Variants in GALNT1 observed in about 807,000 individuals in gnomAD.
GALNT1 encodes polypeptide N-acetylgalactosaminyltransferase 1.
In GALNT1, 17 loss-of-function variants were observed where a neutral mutation model predicts 65.7. That is an observed-to-expected ratio of 0.26 (90% confidence interval 0.18 to 0.39). The LOEUF (loss-of-function observed/expected upper bound fraction) is 0.39, where lower values mean the gene tolerates loss of function less well. Among genes scored for constraint, GALNT1 ranks in the 10% least tolerant of loss-of-function variants. The probability of loss-of-function intolerance (pLI) is 1.00; values close to 1 mark genes in which losing one functional copy is unlikely to be tolerated. For synonymous variants in GALNT1, 210 were observed against 219.7 expected (o/e 0.96, Z 0.39); for missense variants, 460 against 672.8 (o/e 0.68, Z 3.50).
At chr18:35,661,794 C>T (rs1015510898) in intron 2 of GALNT1, among the ~76,000 whole-genome samples, 3 of 152,066 alleles carry the variant, frequency 2.0e-5, no homozygotes, top group Admixed American at 1.3e-4. Flanking sequence ...CTAGTAAAAA[C>T]ACAGATGGTA....
intron 1 of GALNT1, among the ~76,000 whole-genome samples, chr18:35,611,520 T>C (rs754851522): frequency 1.3e-5 from 2 of 152,226 alleles, no homozygotes; most frequent in Non-Finnish European, 2.9e-5. Context: ...ACTCAGGTTT[T>C]TAAAAGACAA....
intron 4 of GALNT1, among the ~76,000 whole-genome samples, chr18:35,681,837 G>C (rs1251425398): frequency 1.3e-5 from 2 of 151,962 alleles, no homozygotes; most frequent in Non-Finnish European, 2.9e-5. Context: ...GGCAGACCTG[G>C]GTTTGAATCT....
chr18:35,697,394 T>C (rs1196925253), intron 9 of GALNT1, among the ~76,000 whole-genome samples: 2 of 152,160 alleles, frequency 1.3e-5, no homozygotes, highest in African/African-American at 4.8e-5. Flanking sequence ...GTCAAATATG[T>C]TTGGGCAATA....
chr18:35,636,449 C>G (rs28669052), intron 1 of GALNT1, among the ~76,000 whole-genome samples: 2,017 of 152,300 alleles, frequency 0.013, 52 homozygotes, highest in African/African-American at 0.046. Context: ...AAAAAACTTA[C>G]TTTAAACAAA....
chr18:35,608,830 C>G (rs1348555481), intron 1 of GALNT1, among the ~76,000 whole-genome samples: 1 of 152,184 alleles, frequency 6.6e-6, no homozygotes, highest in Non-Finnish European at 1.5e-5. Context: ...TCTGCATCTT[C>G]CAGCTCTCTT....
chr18:35,582,096 T>A (rs1480805240), intron 1 of GALNT1, among the ~76,000 whole-genome samples: 2 of 152,054 alleles, frequency 1.3e-5, no homozygotes, highest in African/African-American at 4.8e-5. Flanking sequence ...CGTCCTAGTT[T>A]GACATTGAGT....
At chr18:35,676,824 C>T (rs1416452383) in intron 3 of GALNT1, among the ~76,000 whole-genome samples, 2 of 152,160 alleles carry the variant, frequency 1.3e-5, no homozygotes, top group African/African-American at 2.4e-5. Context: ...TTTCATCTAG[C>T]TAACAAGGTT....
At chr18:35,614,143 T>C (rs2046752894) in intron 1 of GALNT1, among the ~76,000 whole-genome samples, 2 of 152,208 alleles carry the variant, frequency 1.3e-5, no homozygotes, top group South Asian at 4.1e-4. Flanking sequence ...TAATATAAGA[T>C]AAATGCTTAA....
intron 1 of GALNT1, among the ~76,000 whole-genome samples, chr18:35,635,407 A>G (rs926991216): frequency 6.6e-5 from 10 of 152,192 alleles, no homozygotes; most frequent in East Asian, 3.8e-4. Flanking sequence ...CTTTAAAACA[A>G]TGCTGACAGC....
chr18:35,652,900 C>T (rs1432708273), intron 1 of GALNT1, among the ~76,000 whole-genome samples: 1 of 152,176 alleles, frequency 6.6e-6, no homozygotes, highest in South Asian at 2.1e-4. Flanking sequence ...ATTTTAGAGA[C>T]CGTAAAACCA....
At chr18:35,583,955 T>A (rs919908680) in intron 1 of GALNT1, among the ~76,000 whole-genome samples, 1 of 152,248 alleles carries the variant, frequency 6.6e-6, no homozygotes, top group Non-Finnish European at 1.5e-5. Flanking sequence ...ATATAGTTTT[T>A]AAAAAATTTT....
intron 1 of GALNT1, among the ~76,000 whole-genome samples, chr18:35,609,520 G>A (rs1240951541): frequency 1.3e-5 from 2 of 152,156 alleles, no homozygotes; most frequent in Non-Finnish European, 2.9e-5. Flanking sequence ...TGTGTTAAAT[G>A]TAGGAATTGA....
chr18:35,605,478 C>T (rs182541028), intron 1 of GALNT1, among the ~76,000 whole-genome samples: 15 of 148,766 alleles, frequency 1.0e-4, no homozygotes, highest in Non-Finnish European at 1.8e-4. Context: ...AGTCTGGGCC[C>T]AGACTCTGTC....
At chr18:35,661,636 T>C (rs11662739) in intron 2 of GALNT1, among the ~76,000 whole-genome samples, 17,266 of 152,144 alleles carry the variant, frequency 0.11, 1,049 homozygotes, top group Admixed American at 0.19. Flanking sequence ...TTGTTTGTTG[T>C]TGAAGAAGAA....
intron 1 of GALNT1, among the ~76,000 whole-genome samples, chr18:35,618,080 G>T (rs2046807792): frequency 1.3e-5 from 2 of 149,484 alleles, no homozygotes; most frequent in African/African-American, 2.5e-5. Context: ...TGTATAGAGA[G>T]CACTACTGCA....
chr18:35,601,356 C>T (rs1168869512), intron 1 of GALNT1, among the ~76,000 whole-genome samples: 1 of 151,770 alleles, frequency 6.6e-6, no homozygotes, highest in African/African-American at 2.4e-5. Context: ...TCTTAGTCTA[C>T]CTAAGGGTTT....
chr18:35,672,566 G>A (rs1474406003), intron 3 of GALNT1, among the ~76,000 whole-genome samples: 3 of 152,098 alleles, frequency 2.0e-5, no homozygotes, highest in African/African-American at 7.2e-5. Context: ...AGCTGGCTGT[G>A]CCCAGATCTT....
In GALNT1 at chr18:35,703,648, G is replaced by A. The variant is rs1282850133; in HGVS notation, c.1533+5G>A. ...CTCTGGGAGTATGACCCAGTGGTAAGTTATGCAGTTGCCTATAGTAATAAA... is the reference window on the plus strand; with the variant it reads ...CTCTGGGAGTATGACCCAGTGGTAAATTATGCAGTTGCCTATAGTAATAAA... On this transcript the variant is annotated splice_donor_5th_base_variant and intron_variant, in intron 11 of 11. Coordinates refer to ENST00000269195, the MANE Select transcript of GALNT1 (RefSeq NM_020474.4). The A allele has an allele frequency of 6.2e-7, 1 of 1,613,428 alleles. No homozygotes were observed. Among genetic ancestry groups the A allele is most frequent in the African/African-American group, 1.3e-5 (1 of 74,878 alleles).
chr18:35,678,513 G>A (rs2047743767), intron 4 of GALNT1, among the ~76,000 whole-genome samples: 1 of 152,092 alleles, frequency 6.6e-6, no homozygotes, highest in Non-Finnish European at 1.5e-5. Context: ...ATATAGAAAA[G>A]GCTCTGCTTA....
Sources: gnomAD v4.1 joint callset for allele counts (sites outside exome capture counted in the v4.1 genomes callset) on GRCh38, gnomAD v4.1.1 for gene constraint, MANE v1.5 for transcripts, NCBI Gene and HGNC (gene_info 2026-07-23, HGNC 2026-07-21) for gene names.